The following NEBL variants were observed in gnomAD, a reference collection of about 807,000 sequenced individuals.
The protein encoded by NEBL is nebulette, also known as LIM and SH3 protein 2.
A neutral mutation model predicts 140.2 loss-of-function variants in NEBL; 122 were observed. That is an observed-to-expected ratio of 0.87 (90% confidence interval 0.75 to 1.01). The LOEUF (loss-of-function observed/expected upper bound fraction) is 1.01. Among genes scored for constraint, NEBL ranks in the 50% least tolerant of loss-of-function variants. The pLI, the probability that NEBL is intolerant of heterozygous loss-of-function variation, is 0.00. For synonymous variants in NEBL, 436 were observed against 398.9 expected, an observed-to-expected ratio of 1.09 and a Z score of -1.11; for missense variants, 1,365 against 1,231.3, an observed-to-expected ratio of 1.11 and a Z score of -1.62.
At position 20,818,823 on chromosome 10, in the gene NEBL, G is replaced by A. The variant is rs1014493757; in HGVS notation, c.2055+601C>T. 1.8e-5 allele frequency: 18 copies of A among 988,560 alleles called. No homozygotes were observed. In the South Asian group the frequency reaches 3.7e-4, roughly 20 times the overall value. 61.2% of individuals were successfully genotyped at this position (988,560 alleles called of 1,614,324 possible). On this transcript the variant is annotated intron_variant, in intron 20 of 27. Transcript: ENST00000377122. Reference sequence around the variant, plus strand: ...ACACAGTCCCAAATTTCCTGGACACGCAGTTCATGCCCTTCAACAAGGAAA... The same window carrying A: ...ACACAGTCCCAAATTTCCTGGACACACAGTTCATGCCCTTCAACAAGGAAA...
chr10:20,857,938 G>A (rs1477130746), intron 9 of NEBL, among the ~76,000 whole-genome samples: 1 of 152,146 alleles, frequency 6.6e-6, no homozygotes, highest in Non-Finnish European at 1.5e-5. Context: ...TGAACTTCAA[G>A]TGGCTTTAAT....
intron 2 of NEBL, among the ~76,000 whole-genome samples, chr10:21,073,426 G>A (rs952591944): frequency 2.0e-5 from 3 of 151,494 alleles, no homozygotes; most frequent in Admixed American, 6.6e-5. Flanking sequence ...AGACCAACCT[G>A]GCCAACGTGG....
chr10:21,010,131 A>C (rs16921415), intron 3 of NEBL, among the ~76,000 whole-genome samples: 27,650 of 152,164 alleles, frequency 0.18, 4,113 homozygotes, highest in East Asian at 0.54. Flanking sequence ...TTCCCTAATG[A>C]GCCTGTTAAT....
At chr10:21,046,277 G>C (rs372641477) in intron 2 of NEBL, among the ~76,000 whole-genome samples, 20 of 152,278 alleles carry the variant, frequency 1.3e-4, no homozygotes, top group African/African-American at 4.3e-4. Context: ...ACTTCAGTTA[G>C]GATTAGTCAG....
chr10:21,143,737 G>A (rs367678869), intron 2 of NEBL, among the ~76,000 whole-genome samples: 12 of 151,950 alleles, frequency 7.9e-5, no homozygotes, highest in African/African-American at 2.9e-4. Flanking sequence ...TTCAATAAGT[G>A]ACTTGAACCA....
At chr10:21,095,798 G>A (rs182380497) in intron 2 of NEBL, among the ~76,000 whole-genome samples, 1 of 152,158 alleles carries the variant, frequency 6.6e-6, no homozygotes, top group Non-Finnish European at 1.5e-5. Flanking sequence ...TGACAAGGAA[G>A]ACTTGGGGTT....
intron 3 of NEBL, among the ~76,000 whole-genome samples, chr10:21,245,240 A>G (rs1842500765): frequency 6.6e-6 from 1 of 152,166 alleles, no homozygotes; most frequent in African/African-American, 2.4e-5. Flanking sequence ...AGGAGAGAAT[A>G]CTCAACCTAA....
At chr10:21,202,974 G>C (rs984875243) in intron 3 of NEBL, among the ~76,000 whole-genome samples, 38 of 152,264 alleles carry the variant, frequency 2.5e-4, no homozygotes, top group African/African-American at 8.7e-4. Flanking sequence ...GACTAGGAAC[G>C]GCATGTTAGA....
In NEBL at chr10:21,274,376, T is replaced by C. The variant is rs575081087; in HGVS notation, n.182+18454A>G. Among the ~76,000 whole-genome samples the C allele has an allele frequency of 2.5e-4, 38 of 152,328 alleles. No homozygotes were observed. In the South Asian group the frequency reaches 7.9e-3, roughly 32 times the overall value. On this transcript the variant is annotated intron_variant and non_coding_transcript_variant, in intron 1 of 8. Coordinates refer to the NEBL transcript ENST00000675702. ...ACCAATCACATAGTCGATTAACACA[T>C]ATTTCCTATGTTCTATGCATTATAC...
At chr10:20,899,265 G>C (rs887351998), upstream of NEBL, 7 of 410,752 alleles carry the variant, frequency 1.7e-5, no homozygotes, top group Non-Finnish European at 3.1e-5. Flanking sequence ...AAATTTCTAG[G>C]AGTGTAGGGA....
At chr10:20,786,651 A>C (rs1414263948) in intron 27 of NEBL, among the ~76,000 whole-genome samples, 1 of 152,168 alleles carries the variant, frequency 6.6e-6, no homozygotes, top group African/African-American at 2.4e-5. Context: ...AGAGTTTTCT[A>C]GGTGTTGAGG....
intron 2 of NEBL, among the ~76,000 whole-genome samples, chr10:21,142,790 C>T (rs1203968029): frequency 6.6e-6 from 1 of 152,024 alleles, no homozygotes; most frequent in African/African-American, 2.4e-5. Flanking sequence ...TGTGAGGGAT[C>T]CCAGTTGTGC....
At chr10:21,042,340 G>A (rs565036055) in intron 2 of NEBL, among the ~76,000 whole-genome samples, 2 of 152,284 alleles carry the variant, frequency 1.3e-5, no homozygotes, top group South Asian at 2.1e-4. Flanking sequence ...ACCAGCAGTG[G>A]GCTAGAGTTG....
intron 2 of NEBL, among the ~76,000 whole-genome samples, chr10:21,060,452 G>A (rs561255023): frequency 6.6e-6 from 1 of 152,148 alleles, no homozygotes; most frequent in Non-Finnish European, 1.5e-5. Context: ...TGGATTGCTT[G>A]TTAAACCAGC....
chr10:20,994,021 G>A (rs988469361), intron 3 of NEBL, among the ~76,000 whole-genome samples: 1 of 152,146 alleles, frequency 6.6e-6, no homozygotes, highest in African/African-American at 2.4e-5. Context: ...AACAACTGCA[G>A]CCATCTCACA....
chr10:21,206,068 C>T (rs1386172575), intron 3 of NEBL, among the ~76,000 whole-genome samples: 1 of 152,164 alleles, frequency 6.6e-6, no homozygotes, highest in Admixed American at 6.5e-5. Context: ...CTAAGATTGT[C>T]TTCAGCATCA....
intron 2 of NEBL, among the ~76,000 whole-genome samples, chr10:21,060,981 C>T (rs901115621): frequency 6.6e-6 from 1 of 151,992 alleles, no homozygotes; most frequent in Non-Finnish European, 1.5e-5. Context: ...ACTGTGCCCC[C>T]GAGAAAGATT....
chr10:20,937,682 T>A (rs1319538442), intron 4 of NEBL, among the ~76,000 whole-genome samples: 2 of 152,116 alleles, frequency 1.3e-5, no homozygotes, highest in Non-Finnish European at 2.9e-5. Context: ...GGGAATTCCC[T>A]TTCCTAGTCA....
chr10:21,030,977 C>T (rs1833754831), intron 2 of NEBL, among the ~76,000 whole-genome samples: 1 of 152,220 alleles, frequency 6.6e-6, no homozygotes, highest in Non-Finnish European at 1.5e-5. Context: ...GACCATCACC[C>T]TGCCTCCAAC....
Sources: gnomAD v4.1 joint callset for allele counts (sites outside exome capture counted in the v4.1 genomes callset) on GRCh38, gnomAD v4.1.1 for gene constraint, MANE v1.5 for transcripts, NCBI Gene and HGNC (gene_info 2026-07-23, HGNC 2026-07-21) for gene names.